TSHR: variants seen among roughly 807,000 people sequenced by gnomAD.
TSHR encodes the protein thyroid stimulating hormone receptor.
TSHR carries 51 observed loss-of-function variants against 64.1 expected under a neutral mutation model. The ratio of observed to expected loss-of-function variants is 0.80; its 90% CI spans 0.64 to 1.01. The LOEUF is 1.01. TSHR is among the 50% of genes least tolerant of loss of function. The pLI is 0.00. For missense variants in TSHR, 877 were observed against 942.8 expected (o/e 0.93, Z 0.91); for synonymous variants, 361 against 361.9 (o/e 1.00, Z 0.03).
At chr14:81,141,918 G>T (rs1291711073) in intron 9 of TSHR, among the ~76,000 whole-genome samples, 1 of 152,132 alleles carries the variant, frequency 6.6e-6, no homozygotes, top group Admixed American at 6.5e-5. Context: ...AGGTGCTATT[G>T]TAAGAGCCTT....
intron 1 of TSHR, among the ~76,000 whole-genome samples, chr14:80,985,181 C>T (rs1380081034): frequency 6.6e-6 from 1 of 152,186 alleles, no homozygotes; most frequent in Admixed American, 6.5e-5. Flanking sequence ...ACCCGGGAGG[C>T]GGAGCTTGCA....
At chr14:81,108,281 G>A (rs1890028615) in intron 7 of TSHR, 94 bp from the exon 8 acceptor site, 1 of 1,058,508 alleles carries the variant, frequency 9.4e-7, no homozygotes, top group African/African-American at 1.6e-5. Context: ...TCAATACTAT[G>A]GTCACATTTT....
chr14:80,962,038 G>T (rs1025019863), intron 1 of TSHR, among the ~76,000 whole-genome samples: 2 of 152,168 alleles, frequency 1.3e-5, no homozygotes, highest in Admixed American at 1.3e-4. Context: ...CCTCCGGGTT[G>T]AATGCCTTGG....
At chr14:81,112,500 G>A (rs1353700501) in intron 8 of TSHR, among the ~76,000 whole-genome samples, 1 of 152,076 alleles carries the variant, frequency 6.6e-6, no homozygotes, top group African/African-American at 2.4e-5. Context: ...TCTAAGTTTA[G>A]GGCCTCATAC....
chr14:81,033,186 C>A, intron 1 of TSHR: 1 of 439,032 alleles, frequency 2.3e-6, no homozygotes, highest in South Asian at 2.0e-5. Flanking sequence ...ATGAATGGAT[C>A]ACTAATGATA....
chr14:81,091,428 T>C (rs1489727097), intron 5 of TSHR, among the ~76,000 whole-genome samples: 1 of 152,204 alleles, frequency 6.6e-6, no homozygotes, highest in Non-Finnish European at 1.5e-5. Context: ...AGAGTTACCA[T>C]AATTAACTCT....
chr14:81,102,891 G>A (rs555837816), intron 7 of TSHR: 20 of 985,258 alleles, frequency 2.0e-5, no homozygotes, highest in Non-Finnish European at 2.4e-5. Context: ...AATATTTGGC[G>A]TTAGAAAGTA....
intron 4 of TSHR, 80 bp from the exon 5 acceptor site, chr14:81,090,989 A>T: frequency 8.3e-7 from 1 of 1,208,606 alleles, no homozygotes; most frequent in Non-Finnish European, 1.2e-6. Context: ...GCTTTCAGCT[A>T]TTACATTATT....
chr14:81,019,747 A>G (rs1003241672), intron 1 of TSHR, among the ~76,000 whole-genome samples: 1 of 152,020 alleles, frequency 6.6e-6, no homozygotes, highest in Non-Finnish European at 1.5e-5. Flanking sequence ...GCTGAGAATG[A>G]TGGTTTCCAG....
At chr14:81,012,411 G>A (rs2139779121) in intron 1 of TSHR, 1 of 151,972 alleles carries the variant, frequency 6.6e-6, no homozygotes, top group East Asian at 1.9e-4. Context: ...ACGTGTGCAT[G>A]TGTCTTTATA....
rs570676746 is a variant in TSHR at position 81,037,635 on chromosome 14, C to T, written c.171-24513C>T. On this transcript the variant is annotated intron_variant, in intron 1 of 9. Coordinates refer to ENST00000298171, the MANE Select transcript of TSHR (RefSeq NM_000369.5). ...CATAAGGACACACGTAGACTGAAAGCGAAGGGATGAAAAATGATATTCAAT... is the reference window on the plus strand; with the variant it reads ...CATAAGGACACACGTAGACTGAAAGTGAAGGGATGAAAAATGATATTCAAT... 3.5e-4 allele frequency among the ~76,000 whole-genome samples: 53 copies of T among 151,708 alleles called. 1 individual carries two copies. In the East Asian group the frequency reaches 6.6e-3, roughly 19 times the overall value.
chr14:80,980,738 T>C (rs1362145207), intron 1 of TSHR, among the ~76,000 whole-genome samples: 2 of 152,230 alleles, frequency 1.3e-5, no homozygotes, highest in Non-Finnish European at 1.5e-5. Context: ...TGAGTCCTAT[T>C]AGATGTAAGT....
chr14:81,144,525 C>T lies in TSHR; in HGVS notation c.*172C>T. 1.4e-6 allele frequency: 1 copy of T among 691,376 alleles called. No individual in the cohort carries two copies. The highest frequency in any genetic ancestry group is 2.4e-6 in the Non-Finnish European group (1 of 413,874). The allele number at this position is 691,376 out of a possible 1,614,324, so 42.8% of individuals were successfully genotyped here. ...ATCTCTGGAGAGTGATTAGTATTAA[C>T]CTAATCATTGCCCCCAAGAAGGAAG... On this transcript the variant is annotated 3_prime_UTR_variant, in exon 10 of 10. Transcript: ENST00000298171.
chr14:81,132,867 A>T (rs930098), intron 8 of TSHR, among the ~76,000 whole-genome samples: 49,465 of 151,768 alleles, frequency 0.33, 10,450 homozygotes, highest in African/African-American at 0.6. Flanking sequence ...AAAAAAAAAA[A>T]TACTACATGT....
intron 1 of TSHR, among the ~76,000 whole-genome samples, chr14:81,021,401 T>C (rs77770856): frequency 6.6e-6 from 1 of 152,210 alleles, no homozygotes. Context: ...CTTGTCTTCA[T>C]TACTAGGATA....
chr14:81,019,672 A>G (rs922046286), intron 1 of TSHR, among the ~76,000 whole-genome samples: 2 of 143,076 alleles, frequency 1.4e-5, no homozygotes, highest in Non-Finnish European at 3.0e-5. Context: ...ATGTGTTCTT[A>G]TTGTTCAACT....
chr14:80,963,247 A>T (rs1184602254), intron 1 of TSHR, among the ~76,000 whole-genome samples: 1 of 152,130 alleles, frequency 6.6e-6, no homozygotes, highest in Non-Finnish European at 1.5e-5. Flanking sequence ...GTTAACTCTA[A>T]ATTTTCCCAA....
At chr14:81,009,683 A>G (rs1484121328) in intron 1 of TSHR, among the ~76,000 whole-genome samples, 1 of 152,122 alleles carries the variant, frequency 6.6e-6, no homozygotes, top group African/African-American at 2.4e-5. Context: ...TGTGAATTCA[A>G]GAGAAATTAA....
chr14:81,084,896 C>T (rs141097169), intron 3 of TSHR, among the ~76,000 whole-genome samples: 28 of 152,306 alleles, frequency 1.8e-4, no homozygotes, highest in African/African-American at 6.0e-4. Flanking sequence ...TTCTGCCCTT[C>T]CTTTCTTCCT....
Sources: allele counts gnomAD v4.1 joint callset (sites outside exome capture counted in the v4.1 genomes callset), GRCh38; gene constraint gnomAD v4.1.1; transcripts MANE v1.5; gene names NCBI Gene and HGNC (gene_info 2026-07-23, HGNC 2026-07-21).